The following LIN54 variants were observed in gnomAD, a reference collection of about 807,000 sequenced individuals.
The protein encoded by LIN54 is protein lin-54 homolog.
A neutral mutation model predicts 78.7 loss-of-function variants in LIN54; 9 were observed. That is an observed-to-expected ratio of 0.11 (90% CI 0.07 to 0.20). The LOEUF (loss-of-function observed/expected upper bound fraction) is 0.20, where lower values mean the gene tolerates loss of function less well. Among genes scored for constraint, LIN54 ranks in the 10% least tolerant of loss-of-function variants. LIN54 has a pLI of 1.00. For synonymous variants in LIN54, 269 were observed against 318.4 expected (o/e 0.84, Z 1.65); for missense variants, 573 against 889.9 (o/e 0.64, Z 4.53).
intron 4 of LIN54, among the ~76,000 whole-genome samples, chr4:82,966,764 CAT>C (rs1725235710): frequency 6.6e-6 from 1 of 152,000 alleles, no homozygotes. Context: ...GATGTGCCAC[CAT>C]GCCCAGCTAG....
chr4:83,004,688 A>G (rs960465455), intron 1 of LIN54, among the ~76,000 whole-genome samples: 1 of 151,876 alleles, frequency 6.6e-6, no homozygotes, highest in African/African-American at 2.4e-5. Context: ...TTGTAGAGAC[A>G]AGGTCTTGCT....
At chr4:83,009,929 A>T (rs763114995) in intron 1 of LIN54, among the ~76,000 whole-genome samples, 3 of 152,256 alleles carry the variant, frequency 2.0e-5, no homozygotes, top group Non-Finnish European at 4.4e-5. Flanking sequence ...TTCCCTGAAA[A>T]GCATGAGTAT....
At position 82,943,076 on chromosome 4, in the gene LIN54, C is replaced by G. The variant is rs553280582; in HGVS notation, c.1169-3114G>C. Among the ~76,000 whole-genome samples the G allele has an allele frequency of 1.4e-4, 22 of 152,254 alleles. No individual in the cohort carries two copies. In the South Asian group the frequency reaches 1.5e-3, roughly 10 times the overall value. On this transcript the variant is annotated intron_variant, in intron 5 of 12. Transcript: ENST00000340417. ...GATGTTATGTAACTAGGTCAACCAT[C>G]TGCATTTCTTGTCCTCCTTACCTTA...
At chr4:82,974,189 G>T (rs1181601112) in intron 3 of LIN54, among the ~76,000 whole-genome samples, 1 of 151,296 alleles carries the variant, frequency 6.6e-6, no homozygotes, top group Non-Finnish European at 1.5e-5. Flanking sequence ...CAGCCTGGGT[G>T]ACAGAGCAAA....
At chr4:82,947,233 A>ATTTTTTTT (rs1233101387) in intron 4 of LIN54, among the ~76,000 whole-genome samples, 194 of 16,822 alleles carry the variant, frequency 0.012, 5 homozygotes, top group East Asian at 0.038. Context: ...ATATATATAT[A>ATTTTTTTT]TATTTTTTTT....
At chr4:82,964,108 C>T (rs1410358865) in intron 4 of LIN54, among the ~76,000 whole-genome samples, 3 of 151,180 alleles carry the variant, frequency 2.0e-5, no homozygotes, top group Admixed American at 6.6e-5. Flanking sequence ...TGAAGTGCAG[C>T]GGTACAATCT....
chr4:83,007,583 C>G (rs774396543), intron 1 of LIN54, among the ~76,000 whole-genome samples: 2 of 152,056 alleles, frequency 1.3e-5, no homozygotes, highest in African/African-American at 4.8e-5. Flanking sequence ...TGTGGTTTTA[C>G]GGCATCCGAT....
intron 8 of LIN54, 37 bp downstream of exon 8, chr4:82,938,376 A>T (rs1722562152): frequency 3.6e-6 from 4 of 1,125,982 alleles, no homozygotes; most frequent in Admixed American, 3.5e-5. Flanking sequence ...ATTTAAGCTG[A>T]TCTAACAACT....
rs1438966971 is a variant in LIN54 at position 82,947,238 on chromosome 4, T to TTTTG, written c.952-765_952-764insCAAA. ...ATATATATATATATATATATATATT[T>TTTTG]TTTTTTTTTTTGAAGACAGGGTCTC... On this transcript the variant is annotated intron_variant, in intron 4 of 12. Coordinates refer to ENST00000340417, the MANE Select transcript of LIN54 (RefSeq NM_194282.4). Among the ~76,000 whole-genome samples the TTTTG allele has an allele frequency of 1.8e-4, 23 of 126,676 alleles. 1 individual carries two copies. The highest frequency in any genetic ancestry group is 7.1e-4 in the African/African-American group (23 of 32,184). 83.1% of individuals were successfully genotyped at this position (126,676 alleles called of 152,430 possible).
upstream of LIN54, chr4:83,010,951 G>A (rs1729822881): frequency 1.3e-6 from 1 of 755,434 alleles, no homozygotes; most frequent in Non-Finnish European, 1.8e-6. Flanking sequence ...AGTGCACACG[G>A]GCTACGCCGA....
chr4:82,970,308 G>A lies in LIN54; in HGVS notation c.951+19C>T. ...ATCAACCACAATATTTGGTATTTGT[G>A]GCTAATTTATTTTTTTACCTTATTT... On this transcript the variant is annotated intron_variant, in intron 4 of 12. Coordinates refer to ENST00000340417, the MANE Select transcript of LIN54 (RefSeq NM_194282.4). 6.2e-7 allele frequency: 1 copy of A among 1,602,346 alleles called. No homozygotes were observed. Among genetic ancestry groups the A allele is most frequent in the Non-Finnish European group, 8.5e-7 (1 of 1,174,542 alleles).
chr4:82,968,121 C>T (rs116526639), intron 4 of LIN54, among the ~76,000 whole-genome samples: 5,192 of 151,876 alleles, frequency 0.034, 115 homozygotes, highest in Middle Eastern at 0.11. Context: ...CAGCTCACCG[C>T]GACCTCTACC....
intron 1 of LIN54, among the ~76,000 whole-genome samples, chr4:82,997,004 G>C (rs1728284887): frequency 6.6e-6 from 1 of 151,924 alleles, no homozygotes; most frequent in South Asian, 2.1e-4. Flanking sequence ...TTGTTTATTT[G>C]TTTATACTTT....
intron 11 of LIN54, 142 bp downstream of exon 11, chr4:82,935,839 A>T: frequency 2.5e-6 from 2 of 797,908 alleles, no homozygotes. Flanking sequence ...AGGCCTTCCT[A>T]AAACAAGGGC....
chr4:83,005,900 AT>A (rs1163911116), intron 1 of LIN54, among the ~76,000 whole-genome samples: 1 of 152,184 alleles, frequency 6.6e-6, no homozygotes, highest in East Asian at 1.9e-4. Flanking sequence ...ATCAGTGGTG[AT>A]TGGATAAGGA....
At chr4:82,995,540 G>A (rs566382022) in intron 1 of LIN54, among the ~76,000 whole-genome samples, 1 of 124,038 alleles carries the variant, frequency 8.1e-6, no homozygotes, top group African/African-American at 3.2e-5. Flanking sequence ...CTGTCACCCA[G>A]GCTGGAGTGT....
intron 1 of LIN54, among the ~76,000 whole-genome samples, chr4:82,994,781 A>T (rs992166734): frequency 1.3e-5 from 2 of 151,940 alleles, no homozygotes; most frequent in Non-Finnish European, 2.9e-5. Flanking sequence ...AGTTATTCAG[A>T]TCTTTGATAT....
At chr4:82,972,052 C>CTTTTG (rs1186442984) in intron 3 of LIN54, among the ~76,000 whole-genome samples, 44 of 152,002 alleles carry the variant, frequency 2.9e-4, no homozygotes, top group African/African-American at 7.2e-4. Context: ...CAAAGTATGC[C>CTTTTG]TTTTGTTTTG....
At chr4:82,936,465 T>A (rs1011117832) in intron 9 of LIN54, 84 bp from the exon 10 acceptor site, 2 of 680,860 alleles carry the variant, frequency 2.9e-6, no homozygotes, top group Admixed American at 2.8e-5. Flanking sequence ...GTATATATAT[T>A]GTACACATAC....
Sources: gnomAD v4.1 joint callset for allele counts (sites outside exome capture counted in the v4.1 genomes callset) on GRCh38, gnomAD v4.1.1 for gene constraint, MANE v1.5 for transcripts, NCBI Gene and HGNC (gene_info 2026-07-23, HGNC 2026-07-21) for gene names.